Variants in ENPP3 observed in about 807,000 individuals in gnomAD.
The protein encoded by ENPP3 is ectonucleotide pyrophosphatase/phosphodiesterase 3, also known as ectonucleotide pyrophosphatase/phosphodiesterase family member 3.
In ENPP3, 104 loss-of-function variants were observed where a neutral mutation model predicts 117.8. The observed-to-expected ratio is 0.88, with a 90% CI of 0.75 to 1.04. The LOEUF is 1.04. Ranked by LOEUF, ENPP3 falls within the 50% of genes least tolerant of loss-of-function variation. ENPP3 has a pLI of 0.00. For missense variants in ENPP3, 1,026 were observed against 1,051.9 expected (o/e 0.98, Z 0.34); for synonymous variants, 380 against 349.9 (o/e 1.09, Z -0.96).
At chr6:131,639,263 A>ATTTTTTTT (rs71030752) in intron 1 of ENPP3, among the ~76,000 whole-genome samples, 2 of 91,272 alleles carry the variant, frequency 2.2e-5, no homozygotes, top group Non-Finnish European at 3.8e-5. Context: ...ATATATATAT[A>ATTTTTTTT]TATTTTTTTT....
intron 19 of ENPP3, among the ~76,000 whole-genome samples, 182 bp downstream of exon 19, chr6:131,724,273 T>A (rs9493081): frequency 0.13 from 19,754 of 147,034 alleles, 1,833 homozygotes; most frequent in East Asian, 0.32. Flanking sequence ...AGTACAAGCA[T>A]GGGGTAGTTC....
chr6:131,705,910 A>T (rs866837008), intron 15 of ENPP3, among the ~76,000 whole-genome samples: 1 of 135,760 alleles, frequency 7.4e-6, no homozygotes, highest in South Asian at 2.3e-4. Flanking sequence ...TGCATTACTT[A>T]CATGTTTGTG....
chr6:131,677,840 T>G (rs745710898), intron 10 of ENPP3, 28 bp from the exon 11 acceptor site: 7 of 1,407,230 alleles, frequency 5.0e-6, no homozygotes, highest in Admixed American at 3.4e-5. Context: ...AAATTGATAA[T>G]ATATTTCTGT....
Position 131,735,399 on chromosome 6 carries a change from TGAA to T in ENPP3, c.2089+1680_2089+1682del, listed in dbSNP as rs1780373865. Among the ~76,000 whole-genome samples the T allele has an allele frequency of 2.0e-5, 3 of 152,224 alleles. No homozygotes were observed. In the South Asian group the frequency reaches 6.2e-4, roughly 32 times the overall value. ...AGAACTACAAACACCATATGAAATC[TGAA>T]GAAAAAAGAGCTACTTGTTTCTTCT... is the stretch of plus-strand genomic sequence containing the variant. On this transcript the variant is annotated intron_variant, in intron 21 of 24. Transcript: ENST00000357639.
chr6:131,692,672 A>C (rs1585675879), intron 14 of ENPP3, among the ~76,000 whole-genome samples: 1 of 147,000 alleles, frequency 6.8e-6, no homozygotes, highest in Non-Finnish European at 1.5e-5. Context: ...ATATATATAT[A>C]ATATATGGTT....
chr6:131,729,434 G>C (rs1231842941), intron 20 of ENPP3, among the ~76,000 whole-genome samples: 1 of 152,144 alleles, frequency 6.6e-6, no homozygotes. Context: ...GTTCTACTTT[G>C]TTTCAATGCC....
intron 15 of ENPP3, among the ~76,000 whole-genome samples, chr6:131,694,736 A>G (rs970331238): frequency 5.9e-5 from 9 of 151,818 alleles, no homozygotes; most frequent in African/African-American, 2.2e-4. Context: ...GGAGAGGCTG[A>G]GGCAGGAGAA....
intron 15 of ENPP3, among the ~76,000 whole-genome samples, chr6:131,705,998 A>G: frequency 7.4e-6 from 1 of 135,770 alleles, no homozygotes; most frequent in Non-Finnish European, 1.5e-5. Flanking sequence ...CTATGCATTT[A>G]CTACACTCTA....
Position 131,674,221 on chromosome 6 carries a change from C to G in ENPP3, c.702C>G (p.Asn234Lys). Residue 234 changes from asparagine to lysine, a missense_variant, in exon 8 of 25, where the codon AAC (asparagine) becomes AAG (lysine). By Grantham distance (94) the Asn-to-Lys change is moderately conservative (BLOSUM62 0). Coordinates refer to ENST00000357639, the MANE Select transcript of ENPP3 (RefSeq NM_005021.5). ...ATAATATGTATGATGTAAATCTCAA[C>G]AAGAATTTTTCACTTTCTTCAAAGG... is the stretch of plus-strand genomic sequence containing the variant. ...IDNNMYDVNL[N>K]KNFSLSSKEQ... 1 of 1,605,832 alleles carries G rather than the reference C, an allele frequency of 6.2e-7. No homozygotes were observed. The highest frequency in any genetic ancestry group is 8.5e-7 in the Non-Finnish European group (1 of 1,172,612).
chr6:131,724,581 T>C (rs147792948), intron 19 of ENPP3, among the ~76,000 whole-genome samples: 146 of 152,350 alleles, frequency 9.6e-4, no homozygotes, highest in African/African-American at 3.3e-3. Flanking sequence ...ATCTTTTAAG[T>C]ATTCTTGTAT....
intron 6 of ENPP3, among the ~76,000 whole-genome samples, chr6:131,664,951 T>G (rs1302319121): frequency 2.0e-5 from 3 of 152,194 alleles, no homozygotes; most frequent in Admixed American, 2.0e-4. Flanking sequence ...TTGAGAGCTT[T>G]TATCATGAAA....
chr6:131,646,304 G>C (rs1344636987), intron 2 of ENPP3, among the ~76,000 whole-genome samples: 2 of 151,134 alleles, frequency 1.3e-5, no homozygotes, highest in South Asian at 2.1e-4. Context: ...GTGTGTGTGT[G>C]TGTGTTGTTA....
At chr6:131,658,489 A>C (rs1778432370) in intron 6 of ENPP3, 69 bp downstream of exon 6, 1 of 840,190 alleles carries the variant, frequency 1.2e-6, no homozygotes, top group Non-Finnish European at 2.0e-6. Flanking sequence ...TAGAGGATGC[A>C]ACTTTCTTTC....
At chr6:131,697,656 A>G (rs1779437754) in intron 15 of ENPP3, among the ~76,000 whole-genome samples, 8 of 151,980 alleles carry the variant, frequency 5.3e-5, no homozygotes, top group Admixed American at 3.3e-4. Flanking sequence ...TAAGGAGCAT[A>G]CAACTTATAT....
intron 15 of ENPP3, among the ~76,000 whole-genome samples, 164 bp downstream of exon 15, chr6:131,693,788 C>G (rs1001988734): frequency 6.6e-6 from 1 of 152,072 alleles, no homozygotes; most frequent in Non-Finnish European, 1.5e-5. Flanking sequence ...TTGAAGTGAT[C>G]GTTATTAGAT....
chr6:131,637,517 A>G (rs913088343), intron 1 of ENPP3, 55 bp downstream of exon 1: 1 of 1,006,660 alleles, frequency 9.9e-7, no homozygotes, highest in African/African-American at 1.6e-5. Flanking sequence ...TGTTAAAAGT[A>G]TATGATTTCC....
intron 6 of ENPP3, among the ~76,000 whole-genome samples, chr6:131,665,473 A>G (rs1056237517): frequency 1.3e-5 from 2 of 152,036 alleles, no homozygotes; most frequent in African/African-American, 4.8e-5. Context: ...GTCTTGGTAC[A>G]TTGTATGTTT....
In ENPP3 at chr6:131,641,802, T is replaced by G. The variant is rs947305771; in HGVS notation, c.154+272T>G. ...TCTCTTACCTTTCTCCACCCTGGTT[T>G]TTTTTTTTTTTTTTTTTTTTTGGCA... On this transcript the variant is annotated intron_variant, in intron 2 of 24. Coordinates refer to ENST00000357639, the MANE Select transcript of ENPP3 (RefSeq NM_005021.5). Among the ~76,000 whole-genome samples, 10 of 115,632 alleles carry G rather than the reference T, an allele frequency of 8.6e-5. No homozygotes were observed. The South Asian group carries it at 2.7e-3, about 31-fold the overall frequency. 75.9% of individuals were successfully genotyped at this position (115,632 alleles called of 152,430 possible). A position where few individuals can be genotyped will look rare whatever the true frequency, so the allele number is the denominator to read the frequency against.
At chr6:131,649,934 C>A in intron 2 of ENPP3, 93 bp from the exon 3 acceptor site, 1 of 1,322,626 alleles carries the variant, frequency 7.6e-7, no homozygotes, top group Non-Finnish European at 1.1e-6. Flanking sequence ...CTGTCATAGT[C>A]TGTGCTGTGT....
Sources: gnomAD v4.1 joint callset for allele counts (sites outside exome capture counted in the v4.1 genomes callset) on GRCh38, gnomAD v4.1.1 for gene constraint, MANE v1.5 for transcripts, NCBI Gene and HGNC (gene_info 2026-07-23, HGNC 2026-07-21) for gene names.